MED13L: variants seen among roughly 807,000 people sequenced by gnomAD.
MED13L encodes the protein mediator complex subunit 13L, also known as mediator of RNA polymerase II transcription subunit 13-like.
Under a neutral mutation model 220.9 loss-of-function variants are expected in MED13L, and 7 were observed. The observed-to-expected ratio is 0.03, with a 90% CI of 0.02 to 0.06. The LOEUF (loss-of-function observed/expected upper bound fraction) is 0.06. Among genes scored for constraint, MED13L ranks in the 10% least tolerant of loss-of-function variants. The pLI is 1.00. For synonymous variants in MED13L, 1,011 were observed against 1,015.2 expected, an observed-to-expected ratio of 1.00 and a Z score of 0.08; for missense variants, 1,965 against 2,760.5, an observed-to-expected ratio of 0.71 and a Z score of 6.46.
At chr12:116,031,727 A>AGGAAGG (rs1176142097) in intron 4 of MED13L, among the ~76,000 whole-genome samples, 2 of 82,804 alleles carry the variant, frequency 2.4e-5, no homozygotes, top group African/African-American at 6.5e-5. Flanking sequence ...AAAGAAAAGA[A>AGGAAGG]AAGAAAAGAA....
chr12:116,015,345 A>AT, intron 7 of MED13L, 71 bp from the exon 8 acceptor site: 2 of 1,484,432 alleles, frequency 1.3e-6, no homozygotes, highest in Non-Finnish European at 1.9e-6. Flanking sequence ...CTGCTATCTT[A>AT]TTAACATAAA....
chr12:115,986,601 T>C (rs1565994722), intron 18 of MED13L, 112 bp from the exon 19 acceptor site: 1 of 974,670 alleles, frequency 1.0e-6, no homozygotes, highest in Middle Eastern at 3.1e-4. Flanking sequence ...TGTCACTCCA[T>C]GTTCACAAGA....
In MED13L at chr12:115,995,191, G is replaced by C. The variant is rs189467292; in HGVS notation, c.2996+1285C>G. On this transcript the variant is annotated intron_variant, in intron 16 of 30. Transcript: ENST00000281928. ...TTTTACAGAAGGTCACAAACTTGCAGCCCAGAGGCTGAGGCTGGACCACAA... is the reference window on the plus strand; with the variant it reads ...TTTTACAGAAGGTCACAAACTTGCACCCCAGAGGCTGAGGCTGGACCACAA... 2.0e-5 allele frequency among the ~76,000 whole-genome samples: 3 copies of C among 152,226 alleles called. No homozygotes were observed. In the East Asian group the frequency reaches 5.8e-4, roughly 29 times the overall value.
Position 115,961,289 on chromosome 12 carries a change from T to C in MED13L, c.6610A>G (p.Asn2204Asp). 6.2e-7 allele frequency: 1 copy of C among 1,614,176 alleles called. No homozygotes were observed. Among genetic ancestry groups the C allele is most frequent in the Non-Finnish European group, 8.5e-7 (1 of 1,180,018 alleles). The change falls in exon 31 of 31, where the codon AAT becomes GAT. Residue 2204 changes from asparagine to aspartate, a missense_variant. By Grantham distance (23) the Asn-to-Asp change is conservative (BLOSUM62 1). This residue lies in a region of MED13L where 145 missense variants were observed against 328.3 expected (regional missense o/e 0.44). Transcript: ENST00000281928. ...AATTAAAGTATATTCATGATGGCAT[T>C]GTACAACTGAGTGAGCACCACAAAG... ...VHFVVLTQLY[N>D]AIMNIL is the part of the protein sequence containing the mutation.
intron 4 of MED13L, among the ~76,000 whole-genome samples, chr12:116,046,778 C>G (rs991275413): frequency 2.0e-5 from 3 of 152,100 alleles, no homozygotes; most frequent in Admixed American, 2.0e-4. Context: ...TTGAGACCAC[C>G]CTGGCTAACA....
intron 23 of MED13L, among the ~76,000 whole-genome samples, chr12:115,977,921 G>A (rs559779983): frequency 3.9e-4 from 59 of 152,230 alleles, no homozygotes; most frequent in Admixed American, 3.9e-3. Flanking sequence ...CTTAAGCCCA[G>A]GGAGGTCGAA....
chr12:116,189,266 G>A (rs750235081), intron 2 of MED13L, among the ~76,000 whole-genome samples: 13 of 152,236 alleles, frequency 8.5e-5, no homozygotes, highest in Non-Finnish European at 1.3e-4. Flanking sequence ...AAAAACTAAT[G>A]ATGCTGAACA....
rs1375231143 is a variant in MED13L, at chr12:116,005,978, T to C, written c.2360A>G (p.Asn787Ser). 1 of 1,613,916 alleles carries C rather than the reference T, an allele frequency of 6.2e-7. No homozygotes were observed. Among genetic ancestry groups the C allele is most frequent in the Admixed American group, 1.7e-5 (1 of 60,002 alleles). ...ACTGGAGCCAGCTCTGCCAGCAGCA[T>C]TATCCTGCCGGACATCTGTAGGAAA... ...SATKTDVRQD[N>S]AAGRAGSSSL... is the part of the protein sequence containing the mutation. The change falls in exon 13 of 31, where the codon AAT becomes AGT. Residue 787 changes from asparagine (N) to serine (S), a missense_variant. This residue lies in a region of MED13L where 818 missense variants were observed against 1,041.2 expected (regional missense o/e 0.79). Transcript: ENST00000281928.
chr12:116,276,963 A>G, intron 1 of MED13L, 97 bp downstream of exon 1: 14 of 1,320,790 alleles, frequency 1.1e-5, no homozygotes, highest in Non-Finnish European at 1.5e-5. Flanking sequence ...GGAGGGGCGA[A>G]GTCCCGGCGG....
At chr12:116,269,286 T>C (rs573951172) in intron 1 of MED13L, among the ~76,000 whole-genome samples, 52 of 152,092 alleles carry the variant, frequency 3.4e-4, no homozygotes, top group Non-Finnish European at 5.9e-4. Flanking sequence ...CTCAATCTCC[T>C]GACCTCATGA....
intron 23 of MED13L, 129 bp downstream of exon 23, chr12:115,980,621 G>T: frequency 1.0e-6 from 1 of 1,000,300 alleles, no homozygotes. Context: ...AACACATCCA[G>T]CCTAGCAACT....
chr12:116,018,380 T>TA (rs1879857186), intron 7 of MED13L, among the ~76,000 whole-genome samples: 2 of 152,220 alleles, frequency 1.3e-5, no homozygotes, highest in African/African-American at 4.8e-5. Context: ...CTTACTCTGG[T>TA]AATTTTCATG....
At chr12:116,221,904 A>G (rs1868476919) in intron 2 of MED13L, among the ~76,000 whole-genome samples, 2 of 152,284 alleles carry the variant, frequency 1.3e-5, no homozygotes, top group South Asian at 2.1e-4. Context: ...AAGGGCATAA[A>G]TAATTATAAT....
intron 22 of MED13L, among the ~76,000 whole-genome samples, chr12:115,981,398 T>G (rs1388661937): frequency 6.6e-6 from 1 of 152,216 alleles, no homozygotes; most frequent in African/African-American, 2.4e-5. Context: ...TTTCAATCTT[T>G]TAATTTTACA....
intron 2 of MED13L, among the ~76,000 whole-genome samples, chr12:116,170,608 G>GTTTTTTTTTTTTTTTTTTTTTTTTTTT (rs869277948): frequency 8.0e-6 from 1 of 124,500 alleles, no homozygotes; most frequent in Non-Finnish European, 1.7e-5. Context: ...TTTTTTTTTT[G>GTTTTTTTTTTTTTTTTTTTTTTTTTTT]TTTTTTTTTT....
At position 115,970,690 on chromosome 12, in the gene MED13L, C is replaced by A; in HGVS notation, c.5971G>T (p.Ala1991Ser). The A allele has an allele frequency of 2.5e-6, 4 of 1,614,110 alleles. No individual in the cohort carries two copies. Among genetic ancestry groups the A allele is most frequent in the Non-Finnish European group, 3.4e-6 (4 of 1,179,978 alleles). ...AACACCAAGATGTGTGTACAAGAAG[C>A]ATCTTGAGGGGTGTTGAGCTGAGAT... ...QSSQLNTPQD[A>S]SCTHILVFPT... The change falls in exon 27 of 31, where the codon GCT becomes TCT. Residue 1991 changes from alanine to serine, a missense_variant. By Grantham distance (99) the Ala-to-Ser change is moderately conservative (BLOSUM62 1). This residue lies in a region of MED13L where 145 missense variants were observed against 328.3 expected (regional missense o/e 0.44). Coordinates refer to ENST00000281928, the MANE Select transcript of MED13L (RefSeq NM_015335.5).
chr12:116,015,215 T>A lies in MED13L; in HGVS notation c.1069A>T (p.Ile357Leu). 1 of 1,613,966 alleles carries A rather than the reference T, an allele frequency of 6.2e-7. No individual in the cohort carries two copies. The highest frequency in any genetic ancestry group is 8.5e-7 in the Non-Finnish European group (1 of 1,179,880). ...SHLVSQDGGMITMHSPKRSGK... is the reference protein window; with the variant it reads ...SHLVSQDGGMLTMHSPKRSGK... ...GATCTCTTTGGACTGTGCATCGTTATCATCCCTCCATCTTGGGAAACCAGG... is the reference window on the plus strand; with the variant it reads ...GATCTCTTTGGACTGTGCATCGTTAACATCCCTCCATCTTGGGAAACCAGG... The change falls in exon 8 of 31, where the codon ATA (isoleucine) becomes TTA (leucine). Residue 357 changes from isoleucine to leucine, a missense_variant. Coordinates refer to ENST00000281928, the MANE Select transcript of MED13L (RefSeq NM_015335.5).
intron 4 of MED13L, among the ~76,000 whole-genome samples, chr12:116,082,978 T>C (rs777916654): frequency 6.6e-6 from 1 of 152,242 alleles, no homozygotes; most frequent in East Asian, 1.9e-4. Flanking sequence ...ATTAGGATCA[T>C]TTAATTTTGA....
chr12:115,988,061 G>A (rs149143790), intron 17 of MED13L, among the ~76,000 whole-genome samples: 232 of 152,274 alleles, frequency 1.5e-3, no homozygotes, highest in African/African-American at 5.5e-3. Context: ...AGCTAATGAC[G>A]CTGGAGGTGA....
Sources: gnomAD v4.1 joint callset for allele counts (sites outside exome capture counted in the v4.1 genomes callset) on GRCh38, gnomAD v4.1.1 for gene constraint, gnomAD v4.1.1 regional missense constraint, MANE v1.5 for transcripts, NCBI Gene and HGNC (gene_info 2026-07-23, HGNC 2026-07-21) for gene names.